CHTF18: variants seen among roughly 807,000 people sequenced by gnomAD.
CHTF18 encodes the protein chromosome transmission fidelity factor 18, also known as chromosome transmission fidelity protein 18 homolog.
Under a neutral mutation model 113.4 loss-of-function variants are expected in CHTF18, and 151 were observed. The observed-to-expected ratio is 1.33, with a 90% confidence interval of 1.17 to 1.52. The LOEUF is 1.52. Among genes scored for constraint, CHTF18 ranks in the 40% most tolerant of loss-of-function variants. The probability of loss-of-function intolerance (pLI) is 0.00; values close to 1 mark genes in which losing one functional copy is unlikely to be tolerated. For synonymous variants in CHTF18, 916 were observed against 598.8 expected (o/e 1.53, Z -7.74); for missense variants, 1,982 against 1,381.6 (o/e 1.43, Z -6.89).
In CHTF18 at chr16:790,269, G is replaced by C. The variant is rs755230515; in HGVS notation, c.699G>C (p.Glu233Asp). 6.2e-7 allele frequency: 1 copy of C among 1,607,594 alleles called. No individual in the cohort carries two copies. The highest frequency in any genetic ancestry group is 1.1e-5 in the South Asian group (1 of 90,116). ...CCCTGAAGAAGCAGGTCGACGGCGAGGTAGGGGCTGCGGGTTTGCTGGGGG... is the reference window on the plus strand; with the variant it reads ...CCCTGAAGAAGCAGGTCGACGGCGACGTAGGGGCTGCGGGTTTGCTGGGGG... ...LASLKKQVDG[E>D]RRERLLQEAQ... The change falls in exon 5 of 22, where the codon GAG becomes GAC. Residue 233 changes from glutamate (E) to aspartate (D), a missense_variant and splice_region_variant. Physicochemically the swap from Glu to Asp is conservative, Grantham distance 45 (BLOSUM62 2). Coordinates refer to ENST00000262315, the MANE Select transcript of CHTF18 (RefSeq NM_022092.3).
In CHTF18 at chr16:790,731, C is replaced by T. The variant is rs989436012; in HGVS notation, c.894+65C>T. ...TGTTCCCAAGATGGAAGAACCTGGG[C>T]CCAGTGATTTTTGCACAGCCAATCC... On this transcript the variant is annotated intron_variant, in intron 7 of 21. Transcript: ENST00000262315. 25 of 1,464,450 alleles carry T rather than the reference C, an allele frequency of 1.7e-5. No individual in the cohort carries two copies. In the African/African-American group the frequency reaches 2.0e-4, roughly 12 times the overall value. The allele number at this position is 1,464,450 out of a possible 1,614,324, so 90.7% of individuals were successfully genotyped here.
intron 4 of CHTF18, 64 bp from the exon 5 acceptor site, chr16:790,113 G>C: frequency 1.9e-6 from 3 of 1,543,884 alleles, no homozygotes; most frequent in Non-Finnish European, 1.7e-6. Flanking sequence ...AGCACTGATG[G>C]GGGCTGACGT....
intron 7 of CHTF18, 113 bp downstream of exon 7, chr16:790,779 G>A: frequency 7.0e-7 from 1 of 1,437,972 alleles, no homozygotes; most frequent in Non-Finnish European, 9.1e-7. Flanking sequence ...AGACGGAGTG[G>A]GCTCTGGTTT....
Position 796,851 on chromosome 16 carries a change from A to G in CHTF18, c.2591A>G (p.Asn864Ser), listed in dbSNP as rs779636215. The G allele has an allele frequency of 7.5e-6, 12 of 1,603,052 alleles. No homozygotes were observed. In the Middle Eastern group the frequency reaches 1.2e-3, roughly 155 times the overall value. ...GCGGAGGCTTCTGCCCGGGTAGAGA[A>G]CAGCCCCCAGGTGAGCCCACCCAGG... ...RRAEASARVE[N>S]SPQVDGSPPG... Residue 864 changes from asparagine to serine, a missense_variant, in exon 19 of 22, where the codon AAC becomes AGC. Asn to Ser is a conservative substitution (Grantham distance 46, BLOSUM62 1). Transcript: ENST00000262315.
intron 15 of CHTF18, 85 bp downstream of exon 15, chr16:794,286 T>C: frequency 2.0e-6 from 3 of 1,495,736 alleles, no homozygotes; most frequent in Non-Finnish European, 1.8e-6. Context: ...TCCTCCCGTA[T>C]GGACGGGGAG....
intron 4 of CHTF18, chr16:789,947 C>CA (rs1471892523): frequency 6.6e-7 from 1 of 1,511,618 alleles, no homozygotes; most frequent in Admixed American, 2.0e-5. Context: ...TCCTTGCTTC[C>CA]CCTCCTGCTT....
In CHTF18 at chr16:796,006, G is replaced by C; in HGVS notation, c.2385G>C (p.Thr795=). ...AACAGCTGGCCAGCCTGGTGGGCAC[G>C]ATGCTCGCTTACAGCCTGACCTACC... The part of the protein sequence containing the change: ...EKQQLASLVG[T]MLAYSLTYRQ... The change falls in exon 18 of 22, where the codon ACG becomes ACC. Residue 795 remains threonine (T), a synonymous_variant. Transcript: ENST00000262315. The C allele has an allele frequency of 1.9e-6, 3 of 1,607,602 alleles. No individual in the cohort carries two copies. The highest frequency in any genetic ancestry group is 2.5e-6 in the Non-Finnish European group (3 of 1,177,714).
At chr16:789,943 C>T (rs538306018) in intron 4 of CHTF18, 5 of 1,504,106 alleles carry the variant, frequency 3.3e-6, no homozygotes, top group Non-Finnish European at 4.4e-6. Context: ...GGCCTCCTTG[C>T]TTCCCCTCCT....
In CHTF18 at chr16:789,656, A is replaced by G; in HGVS notation, c.547A>G (p.Thr183Ala). 3.7e-6 allele frequency: 6 copies of G among 1,605,196 alleles called. No individual in the cohort carries two copies. Among genetic ancestry groups the G allele is most frequent in the Non-Finnish European group, 5.1e-6 (6 of 1,179,674 alleles). ...GGAGGACTACGTCCACGTGACATCC[A>G]CGGAGGGCGTCCGGGCTTATCTGGT... ...ILEDYVHVTS[T>A]EGVRAYLVLR... is the part of the protein sequence containing the mutation. The change falls in exon 4 of 22, where the codon ACG becomes GCG. Residue 183 changes from threonine (T) to alanine (A), a missense_variant. Physicochemically the swap from Thr to Ala is moderately conservative, Grantham distance 58. Coordinates refer to ENST00000262315, the MANE Select transcript of CHTF18 (RefSeq NM_022092.3).
chr16:795,094 G>T, intron 15 of CHTF18, 38 bp from the exon 16 acceptor site: 1 of 1,478,824 alleles, frequency 6.8e-7, no homozygotes. Context: ...ACCTTCCCTG[G>T]GGTGGGCAGG....
Position 789,595 on chromosome 16 carries a change from T to C in CHTF18, c.486T>C (p.Ala162=), listed in dbSNP as rs764092898. 4.3e-6 allele frequency: 7 copies of C among 1,609,454 alleles called. No homozygotes were observed. Among genetic ancestry groups the C allele is most frequent in the Non-Finnish European group, 5.9e-6 (7 of 1,179,670 alleles). The part of the protein sequence containing the change: ...ADVGLTRASP[A]ARNPVLRRPP... ...TGGGTCTCACACGGGCCTCACCAGCTGCCCGCAATCCCGTCCTGAGGCGGC... is the reference window on the plus strand; with the variant it reads ...TGGGTCTCACACGGGCCTCACCAGCCGCCCGCAATCCCGTCCTGAGGCGGC... The change falls in exon 4 of 22, where the codon GCT becomes GCC. Residue 162 remains alanine, a synonymous_variant. Transcript: ENST00000262315.
chr16:797,924 G>A lies in CHTF18; in HGVS notation c.2877G>A (p.Glu959=). 1 of 1,612,372 alleles carries A rather than the reference G, an allele frequency of 6.2e-7. No homozygotes were observed. Among genetic ancestry groups the A allele is most frequent in the Non-Finnish European group, 8.5e-7 (1 of 1,179,764 alleles). ...GRSEVWFRFN[E]GVSNAVRRSL... Reference sequence around the variant, plus strand: ...GCGAGGTCTGGTTCCGCTTCAACGAGGGTGTCTCCAACGCCGTGCGGCGCA... The same window carrying A: ...GCGAGGTCTGGTTCCGCTTCAACGAAGGTGTCTCCAACGCCGTGCGGCGCA... Residue 959 remains glutamate (E), a synonymous_variant, in exon 22 of 22, where the codon GAG becomes GAA. Transcript: ENST00000262315.
rs755447506 is a variant in CHTF18 at position 789,310 on chromosome 16, C to T, written c.387C>T (p.Asp129=). The part of the protein sequence containing the change: ...EPPPPDSSPT[D]ITPPPSPEDL... ...CCCCTCCCGACTCCTCGCCGACGGA[C>T]ATCACCCCGCCGCCGAGCCCTGAGG... Residue 129 remains aspartate, a synonymous_variant, in exon 3 of 22, where the codon GAC becomes GAT. Coordinates refer to ENST00000262315, the MANE Select transcript of CHTF18 (RefSeq NM_022092.3). The T allele has an allele frequency of 3.7e-6, 6 of 1,600,358 alleles. No individual in the cohort carries two copies. The highest frequency in any genetic ancestry group is 3.4e-5 in the Admixed American group (2 of 58,426).
At position 797,720 on chromosome 16, in the gene CHTF18, GGTC is replaced by G. The variant is rs751484689; in HGVS notation, c.2764_2766del (p.Val922del). 1.7e-5 allele frequency: 28 copies of G among 1,611,412 alleles called. No homozygotes were observed. The highest frequency in any genetic ancestry group is 1.8e-4 in the Middle Eastern group (1 of 5,544). On this transcript the variant is annotated inframe_deletion, in exon 21 of 22. Transcript: ENST00000262315. ...CTGAGAAGGACTTCTTTGGACGTGT[GGTC>G]GTCAGGAGCACAGCAGTCCCGAGTG... is the stretch of plus-strand genomic sequence containing the variant.
chr16:791,022 C>A, intron 7 of CHTF18, 139 bp from the exon 8 acceptor site: 1 of 1,475,954 alleles, frequency 6.8e-7, no homozygotes, highest in Non-Finnish European at 9.0e-7. Flanking sequence ...TGCGGTCACT[C>A]GCTGGCAGGA....
At position 791,316 on chromosome 16, in the gene CHTF18, G is replaced by C. The variant is rs752484196; in HGVS notation, c.1050G>C (p.Val350=). 7 of 1,610,302 alleles carry C rather than the reference G, an allele frequency of 4.3e-6. No individual in the cohort carries two copies. Among genetic ancestry groups the C allele is most frequent in the Non-Finnish European group, 5.9e-6 (7 of 1,179,540 alleles). Residue 350 remains valine, a synonymous_variant, in exon 8 of 22, where the codon GTG becomes GTC. Transcript: ENST00000262315. ...GCAAGTGGAAGAGCCACGAACAGGT[G>C]CTGGAGGAGATGCTGGAGGCTGGGC... ...APGKWKSHEQ[V]LEEMLEAGLD... is the part of the protein sequence containing the mutation.
Position 792,587 on chromosome 16 carries a change from A to G in CHTF18, c.1475A>G (p.Asp492Gly). The G allele has an allele frequency of 6.3e-7, 1 of 1,595,168 alleles. No individual in the cohort carries two copies. The highest frequency in any genetic ancestry group is 8.5e-7 in the Non-Finnish European group (1 of 1,174,166). Reference protein sequence around the residue: ...LMRPIICICNDQFAPSLRQLK... With the variant: ...LMRPIICICNGQFAPSLRQLK... ...AGGCCCATTATCTGCATTTGCAATG[A>G]CCAGTGAGTGCATGGGCGGGCGCCA... is the stretch of plus-strand genomic sequence containing the variant. The change falls in exon 11 of 22, where the codon GAC becomes GGC. Residue 492 changes from aspartate (D) to glycine (G), a missense_variant. Transcript: ENST00000262315.
rs2042173106 is a variant in CHTF18, at chr16:790,674, C to T, written c.894+8C>T. On this transcript the variant is annotated splice_region_variant and intron_variant, in intron 7 of 21. Transcript: ENST00000262315. ...GAGCTGCTCAGTGATGACGTGAGGT[C>T]TTGTTCTCACTCAAGTGTGGCTGGC... The T allele has an allele frequency of 7.2e-6, 11 of 1,532,406 alleles. No homozygotes were observed. Among genetic ancestry groups the T allele is most frequent in the South Asian group, 3.9e-5 (3 of 77,920 alleles). The allele number at this position is 1,532,406 out of a possible 1,614,324, so 94.9% of individuals were successfully genotyped here.
Position 797,965 on chromosome 16 carries a change from AC to A in CHTF18, c.2919del (p.Leu974CysfsTer28), listed in dbSNP as rs776736612. On this transcript the variant is annotated frameshift_variant, in exon 22 of 22. Transcript: ENST00000262315. LOFTEE classifies it high-confidence loss of function. ...GTGCGGCGCAGCCTGTACATCAGGG[AC>A]TTGCTCTAGTTCTCTGAGCCGCGGA... ...NAVRRSLYIR[D>X]LL The A allele has an allele frequency of 5.6e-6, 9 of 1,611,596 alleles. No homozygotes were observed. The highest frequency in any genetic ancestry group is 7.6e-6 in the Non-Finnish European group (9 of 1,179,260).
Sources: gnomAD v4.1 joint callset for allele counts on GRCh38, gnomAD v4.1.1 for gene constraint, MANE v1.5 for transcripts, NCBI Gene and HGNC (gene_info 2026-07-23, HGNC 2026-07-21) for gene names.